SLC35G4: variants seen among roughly 807,000 people sequenced by gnomAD.
SLC35G4 encodes solute carrier family 35 member G4, also known as acyl-malonyl-condensing enzyme 1-like protein 1.
SLC35G4 carries 12 observed loss-of-function variants against 15.8 expected under a neutral mutation model. The observed-to-expected ratio is 0.76, with a 90% CI of 0.49 to 1.23. The LOEUF (loss-of-function observed/expected upper bound fraction) is 1.23, where lower values mean the gene tolerates loss of function less well. SLC35G4 is among the 50% of genes most tolerant of loss of function. The pLI, the probability that SLC35G4 is intolerant of heterozygous loss-of-function variation, is 0.00. For synonymous variants in SLC35G4, 177 were observed against 186.5 expected (o/e 0.95, Z 0.41); for missense variants, 390 against 422.1 (o/e 0.92, Z 0.67).
In SLC35G4 at chr18:11,610,037, T is replaced by C; in HGVS notation, c.442T>C (p.Cys148Arg). The C allele has an allele frequency of 1.1e-5, 17 of 1,613,998 alleles. No homozygotes were observed. Among genetic ancestry groups the C allele is most frequent in the Non-Finnish European group, 1.4e-5 (17 of 1,179,858 alleles). The change falls in exon 1 of 1, where the codon TGC (cysteine) becomes CGC (arginine). Residue 148 changes from cysteine (C) to arginine (R), a missense_variant. Physicochemically the swap from Cys to Arg is radical, Grantham distance 180. Transcript: ENST00000588001. ...STVCSAILTL[C>R]LESQVLSGYD... Reference sequence around the variant, plus strand: ...CGTCTGCTCCGCCATCCTCACCCTCTGCCTTGAGAGCCAGGTTCTCAGTGG... The same window carrying C: ...CGTCTGCTCCGCCATCCTCACCCTCCGCCTTGAGAGCCAGGTTCTCAGTGG...
In SLC35G4 at chr18:11,609,759, G is replaced by A. The variant is rs2143128707; in HGVS notation, c.164G>A (p.Gly55Asp). ...GGGGGCCTGCCTGCTGGCTTCGTGGGCCCCCTTTCTCGTATGGCTTACCAG... is the reference window on the plus strand; with the variant it reads ...GGGGGCCTGCCTGCTGGCTTCGTGGACCCCCTTTCTCGTATGGCTTACCAG... ...LGGGLPAGFV[G>D]PLSRMAYQAS... Residue 55 changes from glycine (G) to aspartate (D), a missense_variant, in exon 1 of 1, where the codon GGC (glycine) becomes GAC (aspartate). Physicochemically the swap from Gly to Asp is moderately conservative, Grantham distance 94. Transcript: ENST00000588001. The A allele has an allele frequency of 1.9e-6, 3 of 1,613,790 alleles. No homozygotes were observed. The highest frequency in any genetic ancestry group is 1.1e-5 in the South Asian group (1 of 91,062).
At position 11,610,094 on chromosome 18, in the gene SLC35G4, C is replaced by G. The variant is rs1345860249; in HGVS notation, c.499C>G (p.Leu167Val). 1.2e-6 allele frequency: 2 copies of G among 1,613,872 alleles called. No individual in the cohort carries two copies. The highest frequency in any genetic ancestry group is 1.1e-5 in the South Asian group (1 of 91,074). ...YDWCGLLGSI[L>V]GLIIIVGPGL... is the part of the protein sequence containing the mutation. Reference sequence around the variant, plus strand: ...CTGGTGTGGACTGTTGGGCAGCATCCTAGGACTAATAATCATTGTGGGACC... The same window carrying G: ...CTGGTGTGGACTGTTGGGCAGCATCGTAGGACTAATAATCATTGTGGGACC... The change falls in exon 1 of 1, where the codon CTA becomes GTA. Residue 167 changes from leucine to valine, a missense_variant. Around this residue, in one of 2 missense-constraint regions of SLC35G4, gnomAD observed 331 missense variants for 241.1 expected, o/e 1.37. Coordinates refer to ENST00000588001, the MANE Select transcript of SLC35G4 (RefSeq NM_001282300.2).
rs546945628 is a variant in SLC35G4, at chr18:11,610,081, G to A, written c.486G>A (p.Leu162=). 6.2e-7 allele frequency: 1 copy of A among 1,613,974 alleles called. No homozygotes were observed. Among genetic ancestry groups the A allele is most frequent in the Non-Finnish European group, 8.5e-7 (1 of 1,179,882 alleles). Residue 162 remains leucine (L), a synonymous_variant, in exon 1 of 1, where the codon CTG becomes CTA. Transcript: ENST00000588001. ...QVLSGYDWCG[L]LGSILGLIII... The stretch of plus-strand genomic sequence containing the variant: ...TCAGTGGCTACGACTGGTGTGGACT[G>A]TTGGGCAGCATCCTAGGACTAATAA...
Position 11,610,258 on chromosome 18 carries a change from A to G in SLC35G4, c.663A>G (p.Thr221=), listed in dbSNP as rs1267646766. Residue 221 remains threonine (T), a synonymous_variant, in exon 1 of 1, where the codon ACA becomes ACG. Coordinates refer to ENST00000588001, the MANE Select transcript of SLC35G4 (RefSeq NM_001282300.2). ...RSLHFPSCLP[T]VAFLSGLVGL... ...TGCACTTTCCCTCCTGCCTCCCAACAGTGGCCTTCCTATCTGGCTTGGTGG... is the reference window on the plus strand; with the variant it reads ...TGCACTTTCCCTCCTGCCTCCCAACGGTGGCCTTCCTATCTGGCTTGGTGG... 1.2e-6 allele frequency: 2 copies of G among 1,606,040 alleles called. No homozygotes were observed. Among genetic ancestry groups the G allele is most frequent in the Non-Finnish European group, 1.7e-6 (2 of 1,176,494 alleles).
rs780943188 is a variant in SLC35G4, at chr18:11,609,737, G to A, written c.142G>A (p.Gly48Ser). The A allele has an allele frequency of 1.5e-5, 25 of 1,613,762 alleles. No individual in the cohort carries two copies. The highest frequency in any genetic ancestry group is 4.5e-5 in the East Asian group (2 of 44,862). ...CCTGCTGGTGGCCCTGCTGGGTGGG[G>A]GCCTGCCTGCTGGCTTCGTGGGCCC... ...NGLLVALLGG[G>S]LPAGFVGPLS... The change falls in exon 1 of 1, where the codon GGC becomes AGC. Residue 48 changes from glycine (G) to serine (S), a missense_variant. By Grantham distance (56) the Gly-to-Ser change is moderately conservative (BLOSUM62 0). Transcript: ENST00000588001.
Position 11,609,655 on chromosome 18 carries a change from C to T in SLC35G4, c.60C>T (p.Ser20=). 4 of 1,613,538 alleles carry T rather than the reference C, an allele frequency of 2.5e-6. No individual in the cohort carries two copies. The highest frequency in any genetic ancestry group is 2.2e-5 in the East Asian group (1 of 44,830). ...ACTCCACACACCCATCGCCGCCCTC[C>T]ACTCCACCCAGCCTCCACTGGCACC... ...LPDSTHPSPP[S]TPPSLHWHQR... Residue 20 remains serine (S), a synonymous_variant, in exon 1 of 1, where the codon TCC becomes TCT. Coordinates refer to ENST00000588001, the MANE Select transcript of SLC35G4 (RefSeq NM_001282300.2).
At position 11,610,045 on chromosome 18, in the gene SLC35G4, G is replaced by T; in HGVS notation, c.450G>T (p.Glu150Asp). 1 of 1,613,992 alleles carries T rather than the reference G, an allele frequency of 6.2e-7. No homozygotes were observed. The highest frequency in any genetic ancestry group is 1.1e-5 in the South Asian group (1 of 91,078). The change falls in exon 1 of 1, where the codon GAG becomes GAT. Residue 150 changes from glutamate to aspartate, a missense_variant. By Grantham distance (45) the Glu-to-Asp change is conservative (BLOSUM62 2). Coordinates refer to ENST00000588001, the MANE Select transcript of SLC35G4 (RefSeq NM_001282300.2). ...VCSAILTLCL[E>D]SQVLSGYDWC... is the part of the protein sequence containing the mutation. ...CCGCCATCCTCACCCTCTGCCTTGA[G>T]AGCCAGGTTCTCAGTGGCTACGACT...
In SLC35G4 at chr18:11,609,706, C is replaced by A. The variant is rs750863254; in HGVS notation, c.111C>A (p.Thr37=). ...AGCGCTGCCAGCCCTCTGATGCCAC[C>A]AATGGCCTGCTGGTGGCCCTGCTGG... ...WHQRCQPSDA[T]NGLLVALLGG... Residue 37 remains threonine (T), a synonymous_variant, in exon 1 of 1, where the codon ACC becomes ACA. Transcript: ENST00000588001. 5 of 1,613,834 alleles carry A rather than the reference C, an allele frequency of 3.1e-6. No individual in the cohort carries two copies. The highest frequency in any genetic ancestry group is 1.1e-5 in the South Asian group (1 of 91,074).
Position 11,609,652 on chromosome 18 carries a change from C to T in SLC35G4, c.57C>T (p.Pro19=), listed in dbSNP as rs1280351679. The change falls in exon 1 of 1, where the codon CCC becomes CCT. Residue 19 remains proline (P), a synonymous_variant. Coordinates refer to ENST00000588001, the MANE Select transcript of SLC35G4 (RefSeq NM_001282300.2). ...NLPDSTHPSP[P]STPPSLHWHQ... is the part of the protein sequence containing the mutation. The stretch of plus-strand genomic sequence containing the variant: ...CTGACTCCACACACCCATCGCCGCC[C>T]TCCACTCCACCCAGCCTCCACTGGC... 2.4e-5 allele frequency: 39 copies of T among 1,613,350 alleles called. No homozygotes were observed. Among genetic ancestry groups the T allele is most frequent in the Non-Finnish European group, 3.2e-5 (38 of 1,179,638 alleles).
At position 11,610,090 on chromosome 18, in the gene SLC35G4, C is replaced by T; in HGVS notation, c.495C>T (p.Ser165=). ...SGYDWCGLLG[S]ILGLIIIVGP... ...ACGACTGGTGTGGACTGTTGGGCAG[C>T]ATCCTAGGACTAATAATCATTGTGG... Residue 165 remains serine, a synonymous_variant, in exon 1 of 1, where the codon AGC becomes AGT. Coordinates refer to ENST00000588001, the MANE Select transcript of SLC35G4 (RefSeq NM_001282300.2). The T allele has an allele frequency of 6.2e-7, 1 of 1,613,928 alleles. No homozygotes were observed. Among genetic ancestry groups the T allele is most frequent in the South Asian group, 1.1e-5 (1 of 91,076 alleles).
Position 11,609,826 on chromosome 18 carries a change from C to T in SLC35G4, c.231C>T (p.Cys77=), listed in dbSNP as rs757507898. 1 of 1,613,672 alleles carries T rather than the reference C, an allele frequency of 6.2e-7. No individual in the cohort carries two copies. The highest frequency in any genetic ancestry group is 8.5e-7 in the Non-Finnish European group (1 of 1,179,780). The change falls in exon 1 of 1, where the codon TGC becomes TGT. Residue 77 remains cysteine (C), a synonymous_variant. Coordinates refer to ENST00000588001, the MANE Select transcript of SLC35G4 (RefSeq NM_001282300.2). The part of the protein sequence containing the change: ...LPSLELVICR[C]LFHLPIALLL... ...CGCTGGAGCTGGTCATCTGTCGATG[C>T]CTCTTCCACCTCCCTATTGCCCTGC... is the stretch of plus-strand genomic sequence containing the variant.
In SLC35G4 at chr18:11,609,740, C is replaced by CT; in HGVS notation, c.146dup (p.Pro50AlafsTer39). 6.2e-7 allele frequency: 1 copy of CT among 1,613,778 alleles called. No individual in the cohort carries two copies. Among genetic ancestry groups the CT allele is most frequent in the Non-Finnish European group, 8.5e-7 (1 of 1,179,924 alleles). ...GCTGGTGGCCCTGCTGGGTGGGGGC[C>CT]TGCCTGCTGGCTTCGTGGGCCCCCT... On this transcript the variant is annotated frameshift_variant, in exon 1 of 1. Transcript: ENST00000588001. LOFTEE classifies it high-confidence loss of function.
chr18:11,609,857 A>C lies in SLC35G4; in HGVS notation c.262A>C (p.Lys88Gln). 1 of 1,613,624 alleles carries C rather than the reference A, an allele frequency of 6.2e-7. No individual in the cohort carries two copies. The highest frequency in any genetic ancestry group is 8.5e-7 in the Non-Finnish European group (1 of 1,179,754). ...LFHLPIALLL[K>Q]LRGDPLLGPP... ...CCACCTCCCTATTGCCCTGCTACTT[A>C]AACTGCGTGGCGACCCCCTTCTGGG... Residue 88 changes from lysine (K) to glutamine (Q), a missense_variant, in exon 1 of 1, where the codon AAA (lysine) becomes CAA (glutamine). Physicochemically the swap from Lys to Gln is moderately conservative, Grantham distance 53. This residue lies in a region of SLC35G4 where 331 missense variants were observed against 241.1 expected (regional missense o/e 1.37). Coordinates refer to ENST00000588001, the MANE Select transcript of SLC35G4 (RefSeq NM_001282300.2).
rs62084100 is a variant in SLC35G4, at chr18:11,610,164, G to T, written c.569G>T (p.Gly190Val). The T allele has an allele frequency of 0.17, 266,866 of 1,535,348 alleles. 23,030 individuals are homozygous for T. The highest frequency in any genetic ancestry group is 0.33 in the African/African-American group (23,469 of 71,012). Reference sequence around the variant, plus strand: ...GAGGGGACCACGGGTGTCTACACCGGCCTGGGCTATGTGCAGGCTTTCCTG... The same window carrying T: ...GAGGGGACCACGGGTGTCTACACCGTCCTGGGCTATGTGCAGGCTTTCCTG... ...LQEGTTGVYT[G>V]LGYVQAFLGG... The change falls in exon 1 of 1, where the codon GGC becomes GTC. Residue 190 changes from glycine (G) to valine (V), a missense_variant. Coordinates refer to ENST00000588001, the MANE Select transcript of SLC35G4 (RefSeq NM_001282300.2).
chr18:11,609,897 G>A lies in SLC35G4; in HGVS notation c.302G>A (p.Arg101Gln), dbSNP rs752717703. The A allele has an allele frequency of 1.9e-5, 31 of 1,613,264 alleles. No homozygotes were observed. The highest frequency in any genetic ancestry group is 3.3e-4 in the Middle Eastern group (2 of 6,078). ...GDPLLGPPDI[R>Q]GRTCFCALLN... ...CCCCTTCTGGGACCTCCTGACATCC[G>A]AGGCCGCACCTGCTTCTGTGCCCTG... The change falls in exon 1 of 1, where the codon CGA becomes CAA. Residue 101 changes from arginine (R) to glutamine (Q), a missense_variant. Coordinates refer to ENST00000588001, the MANE Select transcript of SLC35G4 (RefSeq NM_001282300.2).
chr18:11,609,648 C>A lies in SLC35G4; in HGVS notation c.53C>A (p.Pro18Gln). Residue 18 changes from proline (P) to glutamine (Q), a missense_variant, in exon 1 of 1, where the codon CCG becomes CAG. Physicochemically the swap from Pro to Gln is moderately conservative, Grantham distance 76. This residue lies in a region of SLC35G4 where 331 missense variants were observed against 241.1 expected (regional missense o/e 1.37). Transcript: ENST00000588001. Reference protein sequence around the residue: ...FNLPDSTHPSPPSTPPSLHWH... With the variant: ...FNLPDSTHPSQPSTPPSLHWH... ...CTGCCTGACTCCACACACCCATCGCCGCCCTCCACTCCACCCAGCCTCCAC... is the reference window on the plus strand; with the variant it reads ...CTGCCTGACTCCACACACCCATCGCAGCCCTCCACTCCACCCAGCCTCCAC... 3 of 1,613,082 alleles carry A rather than the reference C, an allele frequency of 1.9e-6. No individual in the cohort carries two copies. Among genetic ancestry groups the A allele is most frequent in the Non-Finnish European group, 2.5e-6 (3 of 1,179,456 alleles).
rs1567968073 is a variant in SLC35G4, at chr18:11,609,996, GCAAA to G, written c.404_407del (p.Lys135IlefsTer32). 1 of 1,613,946 alleles carries G rather than the reference GCAAA, an allele frequency of 6.2e-7. No individual in the cohort carries two copies. Among genetic ancestry groups the G allele is most frequent in the Non-Finnish European group, 8.5e-7 (1 of 1,179,838 alleles). On this transcript the variant is annotated frameshift_variant, in exon 1 of 1. Transcript: ENST00000588001. LOFTEE classifies it high-confidence loss of function. ...CCCACTGGCAATGCTGCCACTGTTC[GCAAA>G]CATTCTTCCACCGTCTGCTCCGCCA...
chr18:11,609,610 C>T lies in SLC35G4; in HGVS notation c.15C>T (p.His5=). 6.2e-7 allele frequency: 1 copy of T among 1,601,284 alleles called. No homozygotes were observed. The highest frequency in any genetic ancestry group is 8.5e-7 in the Non-Finnish European group (1 of 1,173,534). Reference sequence around the variant, plus strand: ...TCCAAGGAAAGATGGCTGGCAGTCACCCCTACTTCAACCTGCCTGACTCCA... The same window carrying T: ...TCCAAGGAAAGATGGCTGGCAGTCATCCCTACTTCAACCTGCCTGACTCCA... The part of the protein sequence containing the change: MAGS[H]PYFNLPDSTH... Residue 5 remains histidine, a synonymous_variant, in exon 1 of 1, where the codon CAC becomes CAT. Transcript: ENST00000588001.
chr18:11,609,846 C>A lies in SLC35G4; in HGVS notation c.251C>A (p.Ala84Asp). The A allele has an allele frequency of 6.2e-7, 1 of 1,613,666 alleles. No homozygotes were observed. Among genetic ancestry groups the A allele is most frequent in the Non-Finnish European group, 8.5e-7 (1 of 1,179,758 alleles). ...ICRCLFHLPI[A>D]LLLKLRGDPL... ...CGATGCCTCTTCCACCTCCCTATTG[C>A]CCTGCTACTTAAACTGCGTGGCGAC... The change falls in exon 1 of 1, where the codon GCC (alanine) becomes GAC (aspartate). Residue 84 changes from alanine (A) to aspartate (D), a missense_variant. Physicochemically the swap from Ala to Asp is moderately radical, Grantham distance 126 (BLOSUM62 -2). Transcript: ENST00000588001.
Sources: gnomAD v4.1 joint callset for allele counts on GRCh38, gnomAD v4.1.1 for gene constraint, gnomAD v4.1.1 regional missense constraint, MANE v1.5 for transcripts, NCBI Gene and HGNC (gene_info 2026-07-23, HGNC 2026-07-21) for gene names.